AGBL1: variants seen among roughly 807,000 people sequenced by gnomAD.
AGBL1 encodes the protein AGBL carboxypeptidase 1.
Under a neutral mutation model 118.9 loss-of-function variants are expected in AGBL1, and 130 were observed. That is an observed-to-expected ratio of 1.09 (90% CI 0.95 to 1.26). The LOEUF is 1.26. Among genes scored for constraint, AGBL1 ranks in the 50% most tolerant of loss-of-function variants. The pLI is 0.00. For synonymous variants in AGBL1, 555 were observed against 478.9 expected (o/e 1.16, Z -2.08); for missense variants, 1,584 against 1,298.1 (o/e 1.22, Z -3.38).
Position 86,735,602 on chromosome 15 carries a change from CTGTGTGTGTGTGTGTGTGTG to C in AGBL1, c.3158+61180_3158+61199del, listed in dbSNP as rs35147328. Among the ~76,000 whole-genome samples, 3 of 141,998 alleles carry C rather than the reference CTGTGTGTGTGTGTGTGTGTG, an allele frequency of 2.1e-5. No individual in the cohort carries two copies. The South Asian group carries it at 6.8e-4, about 32-fold the overall frequency. 93.2% of individuals were successfully genotyped at this position (141,998 alleles called of 152,430 possible). On this transcript the variant is annotated intron_variant, in intron 22 of 22. Coordinates refer to ENST00000614907, the MANE Select transcript of AGBL1 (RefSeq NM_001386094.1). ...GTCTCTTTTGATATAGAGATACAGA[CTGTGTGTGTGTGTGTGTGTG>C]TGTGTGTGTGTGTATTTCCTGCTAC...
intron 22 of AGBL1, among the ~76,000 whole-genome samples, chr15:86,792,907 G>T (rs530102532): frequency 6.6e-6 from 1 of 152,160 alleles, no homozygotes; most frequent in East Asian, 1.9e-4. Context: ...ATAGATATTT[G>T]TCTCTTCCAT....
chr15:86,278,645 A>C (rs375783591), intron 15 of AGBL1, among the ~76,000 whole-genome samples: 1 of 152,186 alleles, frequency 6.6e-6, no homozygotes, highest in Admixed American at 6.6e-5. Context: ...CCTTTCCCCC[A>C]GTAAAACCAA....
chr15:86,216,579 A>T (rs1157673413), intron 5 of AGBL1, among the ~76,000 whole-genome samples: 1 of 152,206 alleles, frequency 6.6e-6, no homozygotes, highest in Non-Finnish European at 1.5e-5. Context: ...TGAATTTCAG[A>T]TGTCAAACCA....
intron 19 of AGBL1, among the ~76,000 whole-genome samples, chr15:86,533,587 T>C (rs1481893054): frequency 1.4e-5 from 2 of 139,264 alleles, no homozygotes; most frequent in Non-Finnish European, 3.0e-5. Context: ...AGAAATACCA[T>C]TGGACCCAGC....
chr15:86,339,888 C>T (rs2080435153), intron 17 of AGBL1, among the ~76,000 whole-genome samples: 2 of 152,156 alleles, frequency 1.3e-5, no homozygotes, highest in Middle Eastern at 3.4e-3. Flanking sequence ...ATCACTTGAA[C>T]CTGGGAGGCA....
intron 24 of AGBL1, among the ~76,000 whole-genome samples, chr15:87,001,154 T>A (rs930509767): frequency 2.7e-5 from 4 of 145,490 alleles, no homozygotes; most frequent in Non-Finnish European, 6.0e-5. Context: ...TTTCTAGATA[T>A]ACAATCATGT....
chr15:86,610,653 G>T (rs1172551635), intron 21 of AGBL1, among the ~76,000 whole-genome samples: 1 of 152,136 alleles, frequency 6.6e-6, no homozygotes, highest in South Asian at 2.1e-4. Flanking sequence ...AGAATAAAAG[G>T]AATGTTTCTG....
intron 21 of AGBL1, among the ~76,000 whole-genome samples, chr15:86,605,460 A>G (rs987162985): frequency 6.6e-6 from 1 of 152,160 alleles, no homozygotes; most frequent in African/African-American, 2.4e-5. Flanking sequence ...GTCCTTTGAT[A>G]CAATGCAGGC....
intron 22 of AGBL1, among the ~76,000 whole-genome samples, chr15:86,799,807 T>C (rs1223649784): frequency 6.6e-6 from 1 of 152,176 alleles, no homozygotes; most frequent in African/African-American, 2.4e-5. Context: ...TACCTTGTAA[T>C]GAAATGGTTC....
At chr15:86,141,206 C>A (rs961354524) in intron 1 of AGBL1, among the ~76,000 whole-genome samples, 1 of 152,220 alleles carries the variant, frequency 6.6e-6, no homozygotes, top group Non-Finnish European at 1.5e-5. Context: ...GATAGAGTAT[C>A]AAGCATTGCA....
rs557532156 is a variant in AGBL1 at position 86,080,826 on chromosome 15, T to C, written c.51+803T>C. ...GAACCACTACTCTCTATGCTTGTAG[T>C]TAGCTGGATTCAGAGGATGCCAGTG... On this transcript the variant is annotated intron_variant, in intron 1 of 22. Transcript: ENST00000614907. Among the ~76,000 whole-genome samples, 30 of 152,066 alleles carry C rather than the reference T, an allele frequency of 2.0e-4. 1 individual carries two copies. In the East Asian group the frequency reaches 5.8e-3, roughly 30 times the overall value.
intron 17 of AGBL1, among the ~76,000 whole-genome samples, chr15:86,303,232 A>T (rs1408058547): frequency 1.3e-5 from 2 of 152,180 alleles, no homozygotes; most frequent in Non-Finnish European, 2.9e-5. Context: ...CAATTTGAAG[A>T]TTGTAAAGGG....
chr15:86,391,990 C>A (rs2081294552), intron 17 of AGBL1, among the ~76,000 whole-genome samples: 1 of 151,958 alleles, frequency 6.6e-6, no homozygotes, highest in East Asian at 1.9e-4. Context: ...TCTTCTTCTC[C>A]TGTGGTGCCT....
At chr15:87,005,159 T>G (rs1483554461) in intron 24 of AGBL1, among the ~76,000 whole-genome samples, 5 of 152,310 alleles carry the variant, frequency 3.3e-5, no homozygotes, top group Admixed American at 2.0e-4. Context: ...AATCTGACAA[T>G]TATGTGTCTT....
intron 22 of AGBL1, among the ~76,000 whole-genome samples, chr15:86,783,343 A>G (rs2078360688): frequency 6.6e-6 from 1 of 152,212 alleles, no homozygotes; most frequent in Non-Finnish European, 1.5e-5. Context: ...GCTACTATGG[A>G]ATTTCCTAAT....
chr15:86,465,071 G>T (rs1233151801), intron 18 of AGBL1, among the ~76,000 whole-genome samples: 2 of 152,084 alleles, frequency 1.3e-5, no homozygotes, highest in African/African-American at 4.8e-5. Context: ...GTTGTGGGAA[G>T]TCAGGGAATC....
intron 22 of AGBL1, among the ~76,000 whole-genome samples, chr15:86,779,290 GC>G (rs539412321): frequency 6.7e-4 from 102 of 152,318 alleles, no homozygotes; most frequent in African/African-American, 2.4e-3. Flanking sequence ...ATCTGCCAGT[GC>G]CTTGATCTTG....
At position 86,715,787 on chromosome 15, in the gene AGBL1, G is replaced by A. The variant is rs145335291; in HGVS notation, c.3158+41351G>A. Among the ~76,000 whole-genome samples, 294 of 152,158 alleles carry A rather than the reference G, an allele frequency of 1.9e-3. 1 individual carries two copies. The highest frequency in any genetic ancestry group is 6.6e-3 in the African/African-American group (275 of 41,536). ...TTGAAATATAAATCAGGCCGGGTGC[G>A]GTGGCTCACACCTGTAATCCCAGCA... On this transcript the variant is annotated intron_variant, in intron 22 of 22. Transcript: ENST00000614907.
chr15:86,314,179 G>A (rs893613792), intron 17 of AGBL1, among the ~76,000 whole-genome samples: 8 of 152,186 alleles, frequency 5.3e-5, no homozygotes, highest in African/African-American at 1.9e-4. Context: ...CCTCTCCTGG[G>A]TATAGGTGGG....
Sources: gnomAD v4.1 joint callset for allele counts (sites outside exome capture counted in the v4.1 genomes callset) on GRCh38, gnomAD v4.1.1 for gene constraint, MANE v1.5 for transcripts, NCBI Gene and HGNC (gene_info 2026-07-23, HGNC 2026-07-21) for gene names.